Variants in CATSPERE observed in about 807,000 individuals in gnomAD.
CATSPERE encodes cation channel sperm-associated auxiliary subunit epsilon.
A neutral mutation model predicts 114.1 loss-of-function variants in CATSPERE; 93 were observed. The ratio of observed to expected loss-of-function variants is 0.81; its 90% CI spans 0.69 to 0.97. CATSPERE has a LOEUF of 0.97. Among genes scored for constraint, CATSPERE ranks in the 50% least tolerant of loss-of-function variants. The pLI, the probability that CATSPERE is intolerant of heterozygous loss-of-function variation, is 0.00. For missense variants in CATSPERE, 1,058 were observed against 1,131.6 expected (o/e 0.93, Z 0.93); for synonymous variants, 341 against 384.1 (o/e 0.89, Z 1.31).
At chr1:244,528,234 C>T (rs1317788134) in intron 8 of CATSPERE, among the ~76,000 whole-genome samples, 1 of 152,142 alleles carries the variant, frequency 6.6e-6, no homozygotes, top group Admixed American at 6.5e-5. Flanking sequence ...CTTTCTGTTC[C>T]TGCATTAGTT....
At chr1:244,477,153 G>A (rs528961404) in intron 2 of CATSPERE, among the ~76,000 whole-genome samples, 6 of 152,044 alleles carry the variant, frequency 3.9e-5, no homozygotes, top group African/African-American at 1.4e-4. Context: ...GTGCCACCAC[G>A]CCCAGCTAAT....
In CATSPERE at chr1:244,479,768, TG is replaced by T; in HGVS notation, c.312del (p.Trp104CysfsTer40). On this transcript the variant is annotated frameshift_variant, in exon 5 of 22. Coordinates refer to ENST00000366534, the MANE Select transcript of CATSPERE (RefSeq NM_001130957.2). LOFTEE classifies it high-confidence loss of function. ...GGAAAGTTCTCATACTTGCTTTCTG[TG>T]GTACTATAGAGTTAGGTAAGTAATG... ...FVESSHTCFLWYYRVRHFFNN... is the reference protein window; with the variant it reads ...FVESSHTCFLXYYRVRHFFNN... The T allele has an allele frequency of 6.3e-7, 1 of 1,594,582 alleles. No homozygotes were observed. Among genetic ancestry groups the T allele is most frequent in the African/African-American group, 1.3e-5 (1 of 74,400 alleles).
chr1:244,616,000 A>G (rs1014387577), intron 19 of CATSPERE, among the ~76,000 whole-genome samples: 3 of 151,420 alleles, frequency 2.0e-5, no homozygotes, highest in Admixed American at 6.6e-5. Context: ...ATGGTGGCAC[A>G]TGCCTGTAGT....
intron 8 of CATSPERE, among the ~76,000 whole-genome samples, chr1:244,549,421 C>CTA (rs201280506): frequency 0.11 from 263 of 2,434 alleles, 1 homozygote; most frequent in South Asian, 0.44. Context: ...GTGTGTATGT[C>CTA]TATATATATA....
At chr1:244,478,083 T>A in intron 4 of CATSPERE, 108 bp downstream of exon 4, 2 of 749,112 alleles carry the variant, frequency 2.7e-6, no homozygotes, top group Non-Finnish European at 4.3e-6. Flanking sequence ...TTAACCTGTT[T>A]TAAATAGTAT....
intron 17 of CATSPERE, among the ~76,000 whole-genome samples, chr1:244,602,430 T>A (rs1265693344): frequency 6.6e-6 from 1 of 152,154 alleles, no homozygotes; most frequent in Non-Finnish European, 1.5e-5. Flanking sequence ...CACCGGGAAA[T>A]TAGCCCATAG....
rs1343065148 is a variant in CATSPERE, at chr1:244,607,752, C to G, written c.2403+1958C>G. On this transcript the variant is annotated intron_variant, in intron 18 of 21. Coordinates refer to ENST00000366534, the MANE Select transcript of CATSPERE (RefSeq NM_001130957.2). This position sits in a 1 kb window ranked among gnomAD's most constrained non-coding sequence, Gnocchi z 4.4. Reference sequence around the variant, plus strand: ...AAAAGCCTTGGTTCCTAATTCACTGCTTTGAGGAGAGGCACCGTCAGAACC... The same window carrying G: ...AAAAGCCTTGGTTCCTAATTCACTGGTTTGAGGAGAGGCACCGTCAGAACC... Among the ~76,000 whole-genome samples the G allele has an allele frequency of 2.0e-5, 3 of 152,206 alleles. No individual in the cohort carries two copies. Among genetic ancestry groups the G allele is most frequent in the Admixed American group, 6.5e-5 (1 of 15,282 alleles).
At chr1:244,524,793 C>T (rs1572558296) in intron 8 of CATSPERE, among the ~76,000 whole-genome samples, 1 of 146,646 alleles carries the variant, frequency 6.8e-6, no homozygotes, top group Non-Finnish European at 1.5e-5. Flanking sequence ...AATGAGATAC[C>T]ATCTCACACC....
intron 7 of CATSPERE, among the ~76,000 whole-genome samples, chr1:244,507,226 G>C (rs1196138927): frequency 6.6e-6 from 1 of 152,100 alleles, no homozygotes; most frequent in South Asian, 2.1e-4. Context: ...TGGGGGTTCA[G>C]GTATCCCTTT....
chr1:244,612,908 C>T (rs1442349527), intron 19 of CATSPERE, among the ~76,000 whole-genome samples: 7 of 151,944 alleles, frequency 4.6e-5, no homozygotes, highest in East Asian at 1.9e-4. Context: ...ACAATAATGG[C>T]GGGAGAGGGG....
chr1:244,625,613 G>C (rs1156557902), intron 20 of CATSPERE, among the ~76,000 whole-genome samples: 1 of 149,470 alleles, frequency 6.7e-6, no homozygotes, highest in Non-Finnish European at 1.5e-5. Context: ...ATTTTTAGTA[G>C]AGACGGGGTT....
chr1:244,491,085 C>G (rs375681239), intron 6 of CATSPERE, among the ~76,000 whole-genome samples: 5 of 152,144 alleles, frequency 3.3e-5, no homozygotes, highest in Admixed American at 6.5e-5. Flanking sequence ...CAGCTCTGCA[C>G]CAAGCGGACC....
At chr1:244,588,949 G>T (rs1478415021) in intron 14 of CATSPERE, among the ~76,000 whole-genome samples, 2 of 152,100 alleles carry the variant, frequency 1.3e-5, no homozygotes, top group African/African-American at 4.8e-5. Flanking sequence ...CCATATCAGA[G>T]AAGCCTCAGT....
At chr1:244,525,440 GTAAC>G (rs1347669739) in intron 8 of CATSPERE, among the ~76,000 whole-genome samples, 1 of 151,942 alleles carries the variant, frequency 6.6e-6, no homozygotes, top group Non-Finnish European at 1.5e-5. Flanking sequence ...GTATACATAT[GTAAC>G]TAACCTGCAC....
chr1:244,600,229 C>A (rs953167740), intron 17 of CATSPERE, among the ~76,000 whole-genome samples: 1 of 152,068 alleles, frequency 6.6e-6, no homozygotes, highest in African/African-American at 2.4e-5. Context: ...TGCTTTTCAG[C>A]CTACCTATGC....
chr1:244,627,766 C>G (rs112801569), intron 20 of CATSPERE, among the ~76,000 whole-genome samples: 1 of 152,222 alleles, frequency 6.6e-6, no homozygotes, highest in Non-Finnish European at 1.5e-5. Context: ...GCTATTTCTC[C>G]TTATCCACAG....
intron 7 of CATSPERE, among the ~76,000 whole-genome samples, chr1:244,505,954 C>T (rs1386925283): frequency 2.6e-5 from 4 of 152,096 alleles, no homozygotes; most frequent in South Asian, 2.1e-4. Context: ...TGCAGTAAAC[C>T]GAGATCACGC....
chr1:244,507,375 A>T (rs1041905983), intron 7 of CATSPERE, among the ~76,000 whole-genome samples: 5 of 152,174 alleles, frequency 3.3e-5, no homozygotes, highest in Non-Finnish European at 5.9e-5. Flanking sequence ...TCCTACCAAC[A>T]GCATATGAGG....
At position 244,617,686 on chromosome 1, in the gene CATSPERE, G is replaced by A; in HGVS notation, c.2648G>A (p.Ser883Asn). 6.5e-7 allele frequency: 1 copy of A among 1,532,220 alleles called. No homozygotes were observed. The highest frequency in any genetic ancestry group is 8.8e-7 in the Non-Finnish European group (1 of 1,142,016). 94.9% of individuals were successfully genotyped at this position (1,532,220 alleles called of 1,614,324 possible). The change falls in exon 20 of 22, where the codon AGT (serine) becomes AAT (asparagine). Residue 883 changes from serine (S) to asparagine (N), a missense_variant and splice_region_variant. Coordinates refer to ENST00000366534, the MANE Select transcript of CATSPERE (RefSeq NM_001130957.2). ...GTGAAGATCCTGGATCCAAACTATAGGTGAATATATGTGTTACTGTAATAG... is the reference window on the plus strand; with the variant it reads ...GTGAAGATCCTGGATCCAAACTATAAGTGAATATATGTGTTACTGTAATAG... The part of the protein sequence containing the change: ...FRVKILDPNY[S>N]FCNLTAMFAI...
Sources: gnomAD v4.1 joint callset for allele counts (sites outside exome capture counted in the v4.1 genomes callset) on GRCh38, gnomAD v4.1.1 for gene constraint, Gnocchi (gnomAD v3.1) non-coding constraint, MANE v1.5 for transcripts, NCBI Gene and HGNC (gene_info 2026-07-23, HGNC 2026-07-21) for gene names.